The following ZDHHC14 variants were observed in gnomAD, a reference collection of about 807,000 sequenced individuals.
ZDHHC14 encodes the protein palmitoyltransferase ZDHHC14.
In ZDHHC14, 16 loss-of-function variants were observed where a neutral mutation model predicts 47.7. That is an observed-to-expected ratio of 0.34 (90% CI 0.23 to 0.51). ZDHHC14 has a LOEUF of 0.51. Among genes scored for constraint, ZDHHC14 ranks in the 20% least tolerant of loss-of-function variants. The probability of loss-of-function intolerance (pLI) is 0.97; values close to 1 mark genes in which losing one functional copy is unlikely to be tolerated. For synonymous variants in ZDHHC14, 293 were observed against 278.9 expected (o/e 1.05, Z -0.50); for missense variants, 515 against 662.5 (o/e 0.78, Z 2.44).
At chr6:157,609,533 G>A (rs867225624) in intron 3 of ZDHHC14, among the ~76,000 whole-genome samples, 4 of 152,322 alleles carry the variant, frequency 2.6e-5, no homozygotes, top group South Asian at 2.1e-4. Context: ...ACAAAGCAAC[G>A]TCATAAAGAG....
chr6:157,619,838 T>A (rs945347297), intron 3 of ZDHHC14, among the ~76,000 whole-genome samples: 1 of 152,236 alleles, frequency 6.6e-6, no homozygotes, highest in Non-Finnish European at 1.5e-5. Context: ...TGCATTAGAT[T>A]TTCCCGCTCA....
intron 1 of ZDHHC14, among the ~76,000 whole-genome samples, chr6:157,472,483 AAGTGGAGTGG>A (rs199696883): frequency 4.0e-5 from 6 of 151,880 alleles, no homozygotes; most frequent in South Asian, 2.1e-4. Flanking sequence ...AGTAAATAAT[AAGTGGAGTGG>A]AGTGGAGTGG....
chr6:157,458,736 T>G (rs1778987663), intron 1 of ZDHHC14, among the ~76,000 whole-genome samples: 1 of 152,044 alleles, frequency 6.6e-6, no homozygotes, highest in Admixed American at 6.6e-5. Flanking sequence ...TAGATCCTGT[T>G]GTGACTAATC....
intron 1 of ZDHHC14, among the ~76,000 whole-genome samples, chr6:157,458,332 C>T (rs190362796): frequency 1.5e-3 from 229 of 152,026 alleles, no homozygotes; most frequent in Non-Finnish European, 2.2e-3. Context: ...TGTTGCAGTT[C>T]GTTAGTATCT....
At chr6:157,395,950 G>C (rs1202902760) in intron 1 of ZDHHC14, among the ~76,000 whole-genome samples, 2 of 152,140 alleles carry the variant, frequency 1.3e-5, no homozygotes, top group Non-Finnish European at 2.9e-5. Context: ...AAGAGCAACA[G>C]ATGAGAGTCT....
intron 1 of ZDHHC14, among the ~76,000 whole-genome samples, chr6:157,530,129 T>C (rs1300021745): frequency 6.6e-6 from 1 of 152,186 alleles, no homozygotes. Context: ...TGCCTGTTAC[T>C]TTGAAAACCA....
At chr6:157,579,497 A>G (rs1196680003) in intron 2 of ZDHHC14, among the ~76,000 whole-genome samples, 1 of 152,040 alleles carries the variant, frequency 6.6e-6, no homozygotes, top group Non-Finnish European at 1.5e-5. Context: ...ATGCCCAGCC[A>G]ATATTTATTC....
intron 1 of ZDHHC14, among the ~76,000 whole-genome samples, chr6:157,407,785 C>A (rs1777796284): frequency 6.6e-6 from 1 of 152,200 alleles, no homozygotes; most frequent in Admixed American, 6.5e-5. Context: ...GGCCTGTCCT[C>A]ATGCTCCATA....
At chr6:157,621,778 C>G (rs538065959) in intron 3 of ZDHHC14, among the ~76,000 whole-genome samples, 44 of 152,324 alleles carry the variant, frequency 2.9e-4, no homozygotes, top group African/African-American at 9.4e-4. Flanking sequence ...CAAATACTTT[C>G]CCCTCAATAT....
At chr6:157,448,722 G>A (rs916442697) in intron 1 of ZDHHC14, among the ~76,000 whole-genome samples, 3 of 152,160 alleles carry the variant, frequency 2.0e-5, no homozygotes, top group Non-Finnish European at 4.4e-5. Flanking sequence ...GATCACAGGC[G>A]TGCACCACCA....
At chr6:157,621,462 T>C (rs572615404) in intron 3 of ZDHHC14, among the ~76,000 whole-genome samples, 1 of 152,278 alleles carries the variant, frequency 6.6e-6, no homozygotes, top group Non-Finnish European at 1.5e-5. Flanking sequence ...CACATTTCCA[T>C]CTATTTTCCA....
At chr6:157,416,845 C>T (rs1309259493) in intron 1 of ZDHHC14, among the ~76,000 whole-genome samples, 2 of 145,306 alleles carry the variant, frequency 1.4e-5, no homozygotes, top group South Asian at 2.2e-4. Flanking sequence ...CTCGAACTGT[C>T]GCTCAGGCTG....
At chr6:157,671,985 A>G (rs1468611178) in intron 8 of ZDHHC14, among the ~76,000 whole-genome samples, 2 of 152,156 alleles carry the variant, frequency 1.3e-5, no homozygotes, top group Non-Finnish European at 1.5e-5. Context: ...GGAACTCTGC[A>G]TGCCTTAAAC....
chr6:157,672,865 C>G lies in ZDHHC14; in HGVS notation c.1210C>G (p.Leu404Val), dbSNP rs1778865400. The G allele has an allele frequency of 1.9e-6, 3 of 1,609,320 alleles. No homozygotes were observed. The highest frequency in any genetic ancestry group is 2.5e-6 in the Non-Finnish European group (3 of 1,178,608). ...TGGCCTGGGCACGCCCTGCGCCAGC[C>G]TCACACTGGGCCCGCCCACACCGCC... ...KPGLGTPCAS[L>V]TLGPPTPPAS... The change falls in exon 9 of 9, where the codon CTC becomes GTC. Residue 404 changes from leucine (L) to valine (V), a missense_variant. Around this residue, in one of 4 missense-constraint regions of ZDHHC14, gnomAD observed 221 missense variants for 233.6 expected, o/e 0.95. Transcript: ENST00000359775.
intron 1 of ZDHHC14, among the ~76,000 whole-genome samples, chr6:157,540,918 A>G (rs919141531): frequency 5.6e-4 from 45 of 81,078 alleles, no homozygotes; most frequent in Non-Finnish European, 6.8e-4. Context: ...GTGTATATAT[A>G]TATATATATA....
At chr6:157,406,961 A>G (rs942836392) in intron 1 of ZDHHC14, among the ~76,000 whole-genome samples, 2 of 152,258 alleles carry the variant, frequency 1.3e-5, no homozygotes, top group Non-Finnish European at 2.9e-5. Flanking sequence ...GCTACGAGGC[A>G]TTAAGACATG....
intron 1 of ZDHHC14, among the ~76,000 whole-genome samples, chr6:157,466,379 T>C (rs1207518988): frequency 6.6e-6 from 1 of 152,222 alleles, no homozygotes; most frequent in East Asian, 1.9e-4. Flanking sequence ...CCTGCGTCCC[T>C]GGCCATTGTG....
intron 1 of ZDHHC14, among the ~76,000 whole-genome samples, chr6:157,484,245 A>G (rs1301940540): frequency 6.7e-6 from 1 of 148,878 alleles, no homozygotes; most frequent in Non-Finnish European, 1.5e-5. Flanking sequence ...AACTCGCATG[A>G]CACGAGGTTA....
chr6:157,607,696 C>G (rs1026667788), intron 3 of ZDHHC14, among the ~76,000 whole-genome samples: 1 of 152,110 alleles, frequency 6.6e-6, no homozygotes, highest in Non-Finnish European at 1.5e-5. Flanking sequence ...CGTTGGAGAG[C>G]CTTTGTTCCC....
Sources: gnomAD v4.1 joint callset for allele counts (sites outside exome capture counted in the v4.1 genomes callset) on GRCh38, gnomAD v4.1.1 for gene constraint, gnomAD v4.1.1 regional missense constraint, MANE v1.5 for transcripts, NCBI Gene and HGNC (gene_info 2026-07-23, HGNC 2026-07-21) for gene names.